The following USP34 variants were observed in gnomAD, a reference collection of about 807,000 sequenced individuals.
The protein encoded by USP34 is ubiquitin specific peptidase 34, also known as ubiquitin carboxyl-terminal hydrolase 34.
Under a neutral mutation model 460.3 loss-of-function variants are expected in USP34, and 70 were observed. The ratio of observed to expected loss-of-function variants is 0.15; its 90% CI spans 0.13 to 0.19. The LOEUF (loss-of-function observed/expected upper bound fraction) is 0.19, where lower values mean the gene tolerates loss of function less well. Ranked by LOEUF, USP34 falls within the 10% of genes least tolerant of loss-of-function variation. The pLI is 1.00. For missense variants in USP34, 3,985 were observed against 4,236.2 expected, an observed-to-expected ratio of 0.94 and a Z score of 1.65; for synonymous variants, 1,647 against 1,405.3, an observed-to-expected ratio of 1.17 and a Z score of -3.85.
intron 44 of USP34, 115 bp from the exon 45 acceptor site, chr2:61,257,465 T>A (rs1688750130): frequency 2.7e-6 from 2 of 753,392 alleles, no homozygotes; most frequent in African/African-American, 3.6e-5. Flanking sequence ...CTAAGTTAGT[T>A]TTAAATGGTT....
At chr2:61,355,699 A>G (rs1435006382) in intron 10 of USP34, among the ~76,000 whole-genome samples, 3 of 152,214 alleles carry the variant, frequency 2.0e-5, no homozygotes, top group Admixed American at 6.5e-5. Flanking sequence ...GAAATGAGGC[A>G]GAAAAACACT....
chr2:61,446,666 T>G (rs1392800174), intron 1 of USP34, among the ~76,000 whole-genome samples: 1 of 151,798 alleles, frequency 6.6e-6, no homozygotes, highest in African/African-American at 2.4e-5. Context: ...TGTAGTGGTA[T>G]GTGCCTGTAA....
intron 15 of USP34, among the ~76,000 whole-genome samples, chr2:61,344,748 G>A (rs953656625): frequency 1.3e-5 from 2 of 152,098 alleles, no homozygotes; most frequent in Non-Finnish European, 2.9e-5. Context: ...AGCTGTGCTG[G>A]GGACAACTGT....
At chr2:61,190,794 A>G in intron 76 of USP34, 136 bp from the exon 77 acceptor site, 1 of 1,073,276 alleles carries the variant, frequency 9.3e-7, no homozygotes, top group Non-Finnish European at 1.3e-6. Flanking sequence ...TTGAAAAGCC[A>G]TGTCTAACTC....
intron 25 of USP34, among the ~76,000 whole-genome samples, chr2:61,313,175 C>T (rs1431626557): frequency 6.6e-6 from 1 of 151,858 alleles, no homozygotes; most frequent in Non-Finnish European, 1.5e-5. Context: ...AACTATTTAA[C>T]ATCAACATTA....
rs187269429 is a variant in USP34, at chr2:61,317,847, T to C, written c.3169-80A>G. ...TTTATTAAATTTAAATAAACTTTAC[T>C]GAAAACACTGTAGAAGGAAACAGAT... On this transcript the variant is annotated intron_variant, in intron 22 of 79. Coordinates refer to ENST00000398571, the MANE Select transcript of USP34 (RefSeq NM_014709.4). The C allele has an allele frequency of 1.3e-4, 132 of 980,586 alleles. No individual in the cohort carries two copies. The East Asian group carries it at 3.4e-3, about 25-fold the overall frequency. 60.7% of individuals were successfully genotyped at this position (980,586 alleles called of 1,614,324 possible).
chr2:61,421,159 T>A (rs1694342674), intron 1 of USP34, among the ~76,000 whole-genome samples: 1 of 152,302 alleles, frequency 6.6e-6, no homozygotes, highest in Middle Eastern at 3.4e-3. Context: ...CCTGTTAAGA[T>A]CTTGTTCTCC....
chr2:61,241,625 G>T lies in USP34; in HGVS notation c.6712C>A (p.Arg2238Ser). Residue 2238 changes from arginine (R) to serine (S), a missense_variant, in exon 53 of 80, where the codon CGC becomes AGC. Physicochemically the swap from Arg to Ser is moderately radical, Grantham distance 110. Coordinates refer to ENST00000398571, the MANE Select transcript of USP34 (RefSeq NM_014709.4). Reference sequence around the variant, plus strand: ...CCATTTTCTTCCTCTGGTTCCATGCGTTTGTAAAACAGCATATATGCACTG... The same window carrying T: ...CCATTTTCTTCCTCTGGTTCCATGCTTTTGTAAAACAGCATATATGCACTG... Reference protein sequence around the residue: ...THSAYMLFYKRMEPEEENGRE... With the variant: ...THSAYMLFYKSMEPEEENGRE... 1 of 1,607,606 alleles carries T rather than the reference G, an allele frequency of 6.2e-7. No homozygotes were observed. Among genetic ancestry groups the T allele is most frequent in the Admixed American group, 1.7e-5 (1 of 58,552 alleles).
intron 20 of USP34, among the ~76,000 whole-genome samples, chr2:61,330,269 A>G (rs1691220280): frequency 6.6e-6 from 1 of 152,130 alleles, no homozygotes; most frequent in African/African-American, 2.4e-5. Flanking sequence ...AAAATAGTTG[A>G]TATCTGACAC....
At chr2:61,427,461 G>A (rs1202029125) in intron 1 of USP34, among the ~76,000 whole-genome samples, 1 of 152,192 alleles carries the variant, frequency 6.6e-6, no homozygotes, top group Admixed American at 6.5e-5. Context: ...ACGCCATCCA[G>A]GAAAACATGA....
intron 35 of USP34, among the ~76,000 whole-genome samples, chr2:61,284,161 C>T (rs923678803): frequency 2.0e-5 from 3 of 152,096 alleles, no homozygotes; most frequent in Admixed American, 6.6e-5. Flanking sequence ...AAAACATTGA[C>T]TGAAATAAGT....
At chr2:61,402,877 T>C (rs916533574) in intron 3 of USP34, among the ~76,000 whole-genome samples, 1 of 152,136 alleles carries the variant, frequency 6.6e-6, no homozygotes, top group African/African-American at 2.4e-5. Context: ...ATATATATAA[T>C]TTTATAACAT....
chr2:61,355,634 CAAA>C (rs1272790453), intron 10 of USP34, among the ~76,000 whole-genome samples: 1 of 151,148 alleles, frequency 6.6e-6, no homozygotes, highest in Non-Finnish European at 1.5e-5. Context: ...ACAACAACAA[CAAA>C]CAAACACAAA....
chr2:61,403,992 CA>C (rs71405114), intron 3 of USP34, among the ~76,000 whole-genome samples: 726 of 28,994 alleles, frequency 0.025, no homozygotes, highest in African/African-American at 0.057. Flanking sequence ...GACTCTATCT[CA>C]AAAAAAAAAA....
At chr2:61,297,994 T>C (rs1690087476) in intron 29 of USP34, among the ~76,000 whole-genome samples, 1 of 152,220 alleles carries the variant, frequency 6.6e-6, no homozygotes, top group African/African-American at 2.4e-5. Flanking sequence ...CAACTCATCA[T>C]TCCGTTGTAA....
In USP34 at chr2:61,188,899, A is replaced by C. The variant is rs541184731; in HGVS notation, c.10033+11T>G. 7 of 1,613,978 alleles carry C rather than the reference A, an allele frequency of 4.3e-6. No individual in the cohort carries two copies. Among genetic ancestry groups the C allele is most frequent in the Non-Finnish European group, 8.5e-7 (1 of 1,179,934 alleles). ...ACCCTAAAGGTAATGATAGTAGTCC[A>C]TAAAGCTAACCTTTAGTTTTTCTTT... On this transcript the variant is annotated intron_variant, in intron 79 of 79. Transcript: ENST00000398571.
At chr2:61,218,577 T>C (rs890791068) in intron 67 of USP34, among the ~76,000 whole-genome samples, 1 of 151,824 alleles carries the variant, frequency 6.6e-6, no homozygotes, top group Non-Finnish European at 1.5e-5. Flanking sequence ...CTAATGTCCT[T>C]TTTTTTCCTT....
chr2:61,282,872 C>T (rs1311473086), intron 37 of USP34, among the ~76,000 whole-genome samples: 1 of 152,010 alleles, frequency 6.6e-6, no homozygotes, highest in Non-Finnish European at 1.5e-5. Context: ...GCCCTTCCTA[C>T]TACCTGGAAA....
chr2:61,349,245 C>T lies in USP34; in HGVS notation c.1543+5G>A. 1.2e-6 allele frequency: 2 copies of T among 1,612,196 alleles called. No individual in the cohort carries two copies. Among genetic ancestry groups the T allele is most frequent in the Non-Finnish European group, 1.7e-6 (2 of 1,179,502 alleles). On this transcript the variant is annotated splice_donor_5th_base_variant and intron_variant, in intron 13 of 79. Coordinates refer to ENST00000398571, the MANE Select transcript of USP34 (RefSeq NM_014709.4). ...GTTGCCATGAATTTCTAAGGCTCAA[C>T]TTACAAGGTGATGGAGCTGTTCTTC...
Sources: allele counts gnomAD v4.1 joint callset (sites outside exome capture counted in the v4.1 genomes callset), GRCh38; gene constraint gnomAD v4.1.1; transcripts MANE v1.5; gene names NCBI Gene and HGNC (gene_info 2026-07-23, HGNC 2026-07-21).